Variants in STK17A observed in about 807,000 individuals in gnomAD.
The protein encoded by STK17A is serine/threonine-protein kinase 17A.
Under a neutral mutation model 43.7 loss-of-function variants are expected in STK17A, and 26 were observed. That is an observed-to-expected ratio of 0.60 (90% CI 0.44 to 0.83). The LOEUF (loss-of-function observed/expected upper bound fraction) is 0.83. Among genes scored for constraint, STK17A ranks in the 40% least tolerant of loss-of-function variants. The probability of loss-of-function intolerance (pLI) is 0.00; values close to 1 mark genes in which losing one functional copy is unlikely to be tolerated. For missense variants in STK17A, 476 were observed against 511.6 expected (o/e 0.93, Z 0.67); for synonymous variants, 191 against 182.5 (o/e 1.05, Z -0.38).
intron 2 of STK17A, among the ~76,000 whole-genome samples, chr7:43,596,592 C>T (rs528732656): frequency 1.3e-5 from 2 of 152,134 alleles, no homozygotes; most frequent in Admixed American, 6.5e-5. Flanking sequence ...TCATACCAGG[C>T]GTGGTGACTC....
At chr7:43,600,388 CTT>C (rs775526040) in intron 2 of STK17A, among the ~76,000 whole-genome samples, 2 of 150,432 alleles carry the variant, frequency 1.3e-5, no homozygotes, top group African/African-American at 2.4e-5. Flanking sequence ...GATTTTTTAT[CTT>C]TTGGGATTTT....
chr7:43,595,119 AC>A (rs2082505974), intron 1 of STK17A, among the ~76,000 whole-genome samples: 1 of 152,132 alleles, frequency 6.6e-6, no homozygotes, highest in Non-Finnish European at 1.5e-5. Flanking sequence ...ATGAGAAAAT[AC>A]ATTTCTAGCT....
Position 43,595,929 on chromosome 7 carries a change from A to T in STK17A, c.235A>T (p.Ile79Leu). 6.2e-7 allele frequency: 1 copy of T among 1,613,828 alleles called. No homozygotes were observed. Reference sequence around the variant, plus strand: ...GAAATTTGCAGTGGTGAGAAAATGTATAAAGAAAGATTCTGGGAAAGAATT... The same window carrying T: ...GAAATTTGCAGTGGTGAGAAAATGTTTAAAGAAAGATTCTGGGAAAGAATT... ...RGKFAVVRKC[I>L]KKDSGKEFAA... The change falls in exon 2 of 7, where the codon ATA becomes TTA. Residue 79 changes from isoleucine to leucine, a missense_variant. Physicochemically the swap from Ile to Leu is conservative, Grantham distance 5 (BLOSUM62 2). Transcript: ENST00000319357.
At chr7:43,610,869 C>T (rs1475877932) in intron 3 of STK17A, among the ~76,000 whole-genome samples, 1 of 152,126 alleles carries the variant, frequency 6.6e-6, no homozygotes, top group Admixed American at 6.6e-5. Flanking sequence ...GTAATCCCAG[C>T]ACTTTGGGAG....
chr7:43,617,222 A>T (rs372170249), intron 3 of STK17A, among the ~76,000 whole-genome samples: 99 of 152,220 alleles, frequency 6.5e-4, no homozygotes, highest in African/African-American at 2.3e-3. Flanking sequence ...CATGCGAAGG[A>T]GTTTGGAGGT....
rs1236958710 is a variant in STK17A at position 43,623,408 on chromosome 7, A to T, written c.692-164A>T. 4.9e-6 allele frequency: 3 copies of T among 612,854 alleles called. No individual in the cohort carries two copies. In the African/African-American group the frequency reaches 5.7e-5, roughly 12 times the overall value. The allele number at this position is 612,854 out of a possible 1,614,324, so 38.0% of individuals were successfully genotyped here. A position where few individuals can be genotyped will look rare whatever the true frequency, so the allele number is the denominator to read the frequency against. On this transcript the variant is annotated intron_variant, in intron 4 of 6. Coordinates refer to ENST00000319357, the MANE Select transcript of STK17A (RefSeq NM_004760.3). ...GTAAACAAGTTAATTACAAACATCT[A>T]GTTAGGCTTTATATTAATTCATATT... is the stretch of plus-strand genomic sequence containing the variant.
chr7:43,613,051 G>C lies in STK17A; in HGVS notation c.564+4651G>C, dbSNP rs370348011. 3.9e-5 allele frequency among the ~76,000 whole-genome samples: 6 copies of C among 152,330 alleles called. No homozygotes were observed. The East Asian group carries it at 5.8e-4, about 15-fold the overall frequency. On this transcript the variant is annotated intron_variant, in intron 3 of 6. Coordinates refer to ENST00000319357, the MANE Select transcript of STK17A (RefSeq NM_004760.3). Reference sequence around the variant, plus strand: ...ATTAGTCATTCAGTACAGCGGCCTGGTTTTAGTCCTGTCAGAGGGAGGGAG... The same window carrying C: ...ATTAGTCATTCAGTACAGCGGCCTGCTTTTAGTCCTGTCAGAGGGAGGGAG...
chr7:43,606,414 T>C (rs922964077), intron 2 of STK17A, among the ~76,000 whole-genome samples: 1 of 152,238 alleles, frequency 6.6e-6, no homozygotes, highest in Admixed American at 6.5e-5. Context: ...ACATCAGTTA[T>C]ATGGCTCTGA....
chr7:43,595,827 T>C, intron 1 of STK17A, 74 bp from the exon 2 acceptor site: 1 of 1,435,810 alleles, frequency 7.0e-7, no homozygotes, highest in South Asian at 1.3e-5. Flanking sequence ...AATGGGTATT[T>C]GGAAATTTCA....
rs567201493 is a variant in STK17A, at chr7:43,619,461, ATTTC to A, written c.565-132_565-129del. On this transcript the variant is annotated intron_variant, in intron 3 of 6. Coordinates refer to ENST00000319357, the MANE Select transcript of STK17A (RefSeq NM_004760.3). Reference sequence around the variant, plus strand: ...TACATAGGCAATAAATTGTAAAAATATTTCTTTAACAAATGACTGTTTACTGTTA... The same window carrying A: ...TACATAGGCAATAAATTGTAAAAATATTTAACAAATGACTGTTTACTGTTA... 396 of 1,156,494 alleles carry A rather than the reference ATTTC, an allele frequency of 3.4e-4. No homozygotes were observed. In the African/African-American group the frequency reaches 5.1e-3, roughly 15 times the overall value. 71.6% of individuals were successfully genotyped at this position (1,156,494 alleles called of 1,614,324 possible). A position where few individuals can be genotyped will look rare whatever the true frequency, so the allele number is the denominator to read the frequency against.
chr7:43,597,025 CAAAA>C (rs1016971923), intron 2 of STK17A, among the ~76,000 whole-genome samples: 10 of 151,710 alleles, frequency 6.6e-5, no homozygotes, highest in Admixed American at 6.6e-4. Flanking sequence ...TTTAAAAAAA[CAAAA>C]AAGACTTAAT....
In STK17A at chr7:43,595,887, T is replaced by C. The variant is rs2152971139; in HGVS notation, c.207-14T>C. 1 of 1,609,826 alleles carries C rather than the reference T, an allele frequency of 6.2e-7. No homozygotes were observed. The highest frequency in any genetic ancestry group is 2.2e-5 in the East Asian group (1 of 44,740). On this transcript the variant is annotated splice_polypyrimidine_tract_variant and intron_variant, in intron 1 of 6. Coordinates refer to ENST00000319357, the MANE Select transcript of STK17A (RefSeq NM_004760.3). ...TTGTCAACTTTAACAGTGAATGTTT[T>C]TGTTTAATTCTAGGGGGAAATTTGC...
chr7:43,618,060 T>C (rs925454067), intron 3 of STK17A, among the ~76,000 whole-genome samples: 8 of 152,134 alleles, frequency 5.3e-5, no homozygotes, highest in Non-Finnish European at 1.2e-4. Context: ...AGAAGTCAGA[T>C]GGAGGGGCAG....
At chr7:43,615,056 C>T (rs765574280) in intron 3 of STK17A, among the ~76,000 whole-genome samples, 4 of 152,126 alleles carry the variant, frequency 2.6e-5, no homozygotes, top group South Asian at 2.1e-4. Context: ...TGGCATTTTG[C>T]GTGTACTCAA....
chr7:43,606,596 C>T (rs1173160593), intron 2 of STK17A, among the ~76,000 whole-genome samples: 2 of 151,972 alleles, frequency 1.3e-5, no homozygotes, highest in Admixed American at 6.6e-5. Context: ...AGTAGTGTTG[C>T]TGTAGTTAAA....
chr7:43,589,909 T>A (rs2082467460), intron 1 of STK17A, among the ~76,000 whole-genome samples: 1 of 148,222 alleles, frequency 6.7e-6, no homozygotes, highest in African/African-American at 2.5e-5. Context: ...TTTATAATTT[T>A]ATTTTAATTT....
intron 2 of STK17A, among the ~76,000 whole-genome samples, chr7:43,601,372 T>C (rs2082553698): frequency 6.6e-6 from 1 of 152,226 alleles, no homozygotes; most frequent in Non-Finnish European, 1.5e-5. Context: ...TATCCAAAAA[T>C]GGCAGAACGG....
rs2082563247 is a variant in STK17A, at chr7:43,602,665, A to G, written c.420-5591A>G. ...AGCCGTTTATCCTTTTCTACTATAT[A>G]AATGTAAGTGTTCCCCCCAGTTCCA... On this transcript the variant is annotated intron_variant, in intron 2 of 6. Transcript: ENST00000319357. 2.6e-5 allele frequency among the ~76,000 whole-genome samples: 4 copies of G among 152,282 alleles called. No homozygotes were observed. The South Asian group carries it at 8.3e-4, about 32-fold the overall frequency.
At chr7:43,587,524 T>G (rs2082452028) in intron 1 of STK17A, among the ~76,000 whole-genome samples, 1 of 151,392 alleles carries the variant, frequency 6.6e-6, no homozygotes, top group Non-Finnish European at 1.5e-5. Context: ...TAAGAGAATA[T>G]TCAAACTGAA....
Sources: allele counts gnomAD v4.1 joint callset (sites outside exome capture counted in the v4.1 genomes callset), GRCh38; gene constraint gnomAD v4.1.1; transcripts MANE v1.5; gene names NCBI Gene and HGNC (gene_info 2026-07-23, HGNC 2026-07-21).